Variants in KLRG1 observed in about 807,000 individuals in gnomAD.
The protein encoded by KLRG1 is killer cell lectin-like receptor subfamily G member 1.
A neutral mutation model predicts 21.8 loss-of-function variants in KLRG1; 16 were observed. The observed-to-expected ratio is 0.73, with a 90% CI of 0.50 to 1.11. KLRG1 has a LOEUF of 1.11. Among genes scored for constraint, KLRG1 ranks in the 50% most tolerant of loss-of-function variants. KLRG1 has a pLI of 0.00. For synonymous variants in KLRG1, 69 were observed against 75.9 expected (o/e 0.91, Z 0.47); for missense variants, 173 against 218.3 (o/e 0.79, Z 1.31).
At chr12:8,973,967 A>G (rs1441213982) in intron 1 of KLRG1, among the ~76,000 whole-genome samples, 2 of 152,024 alleles carry the variant, frequency 1.3e-5, no homozygotes, top group Non-Finnish European at 2.9e-5. Flanking sequence ...TTTTCTATAT[A>G]TATAATCATG....
the KLRG1 span, chr12:9,069,871 C>T: frequency 6.3e-5 from 96 of 1,522,156 alleles, no homozygotes; most frequent in Non-Finnish European, 8.7e-5. Flanking sequence ...CTGGGGGATC[C>T]AGAGAAAAAA....
the KLRG1 span, chr12:9,158,633 T>A: frequency 6.4e-7 from 1 of 1,553,500 alleles, no homozygotes; most frequent in Non-Finnish European, 8.8e-7. Flanking sequence ...TTTACTGCTC[T>A]GTTTTGTACA....
chr12:9,012,600 G>T (rs1947647293), downstream of KLRG1, among the ~76,000 whole-genome samples: 1 of 151,618 alleles, frequency 6.6e-6, no homozygotes, highest in African/African-American at 2.4e-5. Context: ...GGAAATTAGA[G>T]GGAGTTTGGA....
At chr12:9,019,580 T>C in the KLRG1 span, among the ~76,000 whole-genome samples, 7,994 of 152,252 alleles carry the variant, frequency 0.053, 261 homozygotes, top group Middle Eastern at 0.078. Flanking sequence ...GAGGGAGTAC[T>C]ACTCAGTCAT....
the KLRG1 span, chr12:9,154,817 G>A: frequency 4.3e-6 from 7 of 1,614,146 alleles, no homozygotes; most frequent in Non-Finnish European, 5.9e-6. Flanking sequence ...GTCTCTGAGG[G>A]CGCTCCCAAT....
At chr12:9,107,458 T>C in the KLRG1 span, 1 of 1,577,078 alleles carries the variant, frequency 6.3e-7, no homozygotes, top group Admixed American at 1.7e-5. Context: ...AGAAAAATGC[T>C]GCAACTCACT....
chr12:9,100,863 G>A, the KLRG1 span, among the ~76,000 whole-genome samples: 1 of 152,212 alleles, frequency 6.6e-6, no homozygotes, highest in East Asian at 1.9e-4. Flanking sequence ...AGGATGCAAA[G>A]GCATAAGAAT....
the KLRG1 span, chr12:9,036,695 C>T: frequency 7.7e-6 from 2 of 260,094 alleles, no homozygotes; most frequent in African/African-American, 4.6e-5. Flanking sequence ...TCTTAGCAAT[C>T]ACAGGAAACA....
the KLRG1 span, chr12:9,111,897 T>C: frequency 1.8e-6 from 1 of 552,198 alleles, no homozygotes; most frequent in East Asian, 3.6e-5. Flanking sequence ...TGTATCTTTC[T>C]AATTGTCCTA....
At chr12:9,128,257 C>A in the KLRG1 span, 2 of 163,390 alleles carry the variant, frequency 1.2e-5, no homozygotes, top group South Asian at 3.2e-4. Flanking sequence ...AGTATGCGGT[C>A]ATAACTGAGC....
At chr12:9,111,534 A>C in the KLRG1 span, 1 of 456,540 alleles carries the variant, frequency 2.2e-6, no homozygotes, top group South Asian at 1.5e-5. Flanking sequence ...ATTTTAAGCC[A>C]ACATGATTTT....
the KLRG1 span, chr12:9,110,413 A>ACTAGCTGC: frequency 3.5e-6 from 3 of 850,928 alleles, no homozygotes; most frequent in Non-Finnish European, 5.3e-6. Flanking sequence ...AGCAGCTAGT[A>ACTAGCTGC]TTTGCTAGCA....
At chr12:8,964,323 A>G (rs1337709423) in intron 1 of KLRG1, among the ~76,000 whole-genome samples, 1 of 152,218 alleles carries the variant, frequency 6.6e-6, no homozygotes, top group Non-Finnish European at 1.5e-5. Flanking sequence ...CAGATTGCTC[A>G]GCTTCTATGT....
the KLRG1 span, among the ~76,000 whole-genome samples, chr12:9,149,771 T>C: frequency 6.6e-6 from 1 of 152,252 alleles, no homozygotes; most frequent in Non-Finnish European, 1.5e-5. Context: ...ATTTATATTC[T>C]CTTTCCCTGA....
At chr12:9,118,230 G>A in the KLRG1 span, among the ~76,000 whole-genome samples, 1 of 152,114 alleles carries the variant, frequency 6.6e-6, no homozygotes. Flanking sequence ...TAGAACTCCC[G>A]ATCCTTTGCT....
chr12:9,149,517 G>A, the KLRG1 span: 1 of 1,555,054 alleles, frequency 6.4e-7, no homozygotes. Context: ...CTTGGAGAGT[G>A]GGTTAATGCC....
intron 1 of KLRG1, among the ~76,000 whole-genome samples, chr12:8,961,458 A>G (rs1326593724): frequency 6.6e-6 from 1 of 152,116 alleles, no homozygotes; most frequent in Non-Finnish European, 1.5e-5. Context: ...TGTTGCCCAG[A>G]CTGGAGTGCA....
At position 9,009,961 on chromosome 12, in the gene KLRG1, C is replaced by T. The variant is rs1947595227; in HGVS notation, c.*424C>T. The T allele has an allele frequency of 3.9e-6, 6 of 1,529,766 alleles. No individual in the cohort carries two copies. The highest frequency in any genetic ancestry group is 5.3e-6 in the Non-Finnish European group (6 of 1,141,872). 94.8% of individuals were successfully genotyped at this position (1,529,766 alleles called of 1,614,324 possible). ...TACATTATTGCTGTACTCCTCTGTA[C>T]ATTACTGATCCCTGATGGTATATTT... On this transcript the variant is annotated 3_prime_UTR_variant, in exon 5 of 5. Transcript: ENST00000356986.
the KLRG1 span, among the ~76,000 whole-genome samples, chr12:9,029,276 TGCAAGCTCA>T: frequency 6.6e-6 from 1 of 152,166 alleles, no homozygotes; most frequent in South Asian, 2.1e-4. Context: ...AGTGCAATGG[TGCAAGCTCA>T]GCTCACTGCA....
Sources: allele counts gnomAD v4.1 joint callset (sites outside exome capture counted in the v4.1 genomes callset), GRCh38; gene constraint gnomAD v4.1.1; transcripts MANE v1.5; gene names NCBI Gene and HGNC (gene_info 2026-07-23, HGNC 2026-07-21).